Variants in DISP1 observed in about 807,000 individuals in gnomAD.
The protein encoded by DISP1 is dispatched RND transporter family member 1, also known as protein dispatched homolog 1.
A neutral mutation model predicts 37.3 loss-of-function variants in DISP1; 30 were observed. That is an observed-to-expected ratio of 0.80 (90% confidence interval 0.60 to 1.09). DISP1 has a LOEUF of 1.09. Among genes scored for constraint, DISP1 ranks in the 50% least tolerant of loss-of-function variants. DISP1 has a pLI of 0.00. For missense variants in DISP1, 1,598 were observed against 1,879.5 expected (o/e 0.85, Z 2.77); for synonymous variants, 634 against 690.2 (o/e 0.92, Z 1.28).
chr1:222,927,046 G>T (rs920832189), intron 1 of DISP1, among the ~76,000 whole-genome samples: 9 of 152,048 alleles, frequency 5.9e-5, no homozygotes, highest in Admixed American at 4.6e-4. Context: ...CAACTGTACT[G>T]GGAGTGTAGT....
intron 1 of DISP1, among the ~76,000 whole-genome samples, chr1:222,916,948 C>G (rs945781233): frequency 7.2e-5 from 11 of 152,194 alleles, no homozygotes; most frequent in Admixed American, 2.6e-4. Context: ...GGCAAACTGA[C>G]AAACTGCATC....
At chr1:222,890,491 G>A (rs1160918247) in intron 1 of DISP1, among the ~76,000 whole-genome samples, 1 of 152,110 alleles carries the variant, frequency 6.6e-6, no homozygotes, top group Non-Finnish European at 1.5e-5. Flanking sequence ...GATAAATGCT[G>A]TAAAGGAAAA....
chr1:222,927,938 C>T (rs1368697136), intron 1 of DISP1, among the ~76,000 whole-genome samples: 1 of 152,172 alleles, frequency 6.6e-6, no homozygotes, highest in African/African-American at 2.4e-5. Context: ...AAACCATGAA[C>T]TTTCTGTCCT....
At chr1:222,833,709 A>G (rs1666331824) in intron 1 of DISP1, among the ~76,000 whole-genome samples, 1 of 152,212 alleles carries the variant, frequency 6.6e-6, no homozygotes, top group African/African-American at 2.4e-5. Context: ...TTATGCACTG[A>G]GCTCTAATTA....
intron 1 of DISP1, among the ~76,000 whole-genome samples, chr1:222,884,000 TAATAG>T (rs1182451275): frequency 6.6e-6 from 1 of 152,188 alleles, no homozygotes; most frequent in African/African-American, 2.4e-5. Context: ...CTTGGTAGCC[TAATAG>T]AGTGCCTGTC....
chr1:222,934,128 A>G (rs1452277303), intron 2 of DISP1, among the ~76,000 whole-genome samples: 2 of 152,216 alleles, frequency 1.3e-5, no homozygotes, highest in Admixed American at 1.3e-4. Context: ...AGAATTTTAC[A>G]TCAGTAGCCT....
In DISP1 at chr1:223,005,308, G is replaced by C. The variant is rs781051159; in HGVS notation, c.3911G>C (p.Ser1304Thr). The C allele has an allele frequency of 6.2e-7, 1 of 1,613,766 alleles. No homozygotes were observed. The highest frequency in any genetic ancestry group is 2.2e-5 in the East Asian group (1 of 44,876). ...LCHQCSPTTSSFVQIQNGVAP... is the reference protein window; with the variant it reads ...LCHQCSPTTSTFVQIQNGVAP... ...CACCAGTGCTCTCCTACCACTAGCA[G>C]CTTTGTCCAGATCCAAAACGGCGTG... The change falls in exon 9 of 9, where the codon AGC becomes ACC. Residue 1304 changes from serine (S) to threonine (T), a missense_variant. Coordinates refer to ENST00000675850, the MANE Select transcript of DISP1 (RefSeq NM_001377229.1).
chr1:222,995,113 C>T, intron 8 of DISP1, 131 bp downstream of exon 8: 1 of 719,908 alleles, frequency 1.4e-6, no homozygotes, highest in South Asian at 1.5e-5. Flanking sequence ...GAGTAAACTC[C>T]AGCAGGCCAG....
chr1:222,929,922 T>C (rs1673295868), intron 2 of DISP1, among the ~76,000 whole-genome samples: 1 of 152,156 alleles, frequency 6.6e-6, no homozygotes, highest in South Asian at 2.1e-4. Context: ...AGCTCACATC[T>C]TAGACCTCAG....
intron 1 of DISP1, among the ~76,000 whole-genome samples, chr1:222,816,685 C>T (rs1661319501): frequency 6.6e-6 from 1 of 152,158 alleles, no homozygotes; most frequent in Non-Finnish European, 1.5e-5. Context: ...TTATAACGTC[C>T]TTATGTTTAG....
At chr1:222,838,436 T>C (rs1182304701) in intron 1 of DISP1, among the ~76,000 whole-genome samples, 2 of 152,210 alleles carry the variant, frequency 1.3e-5, no homozygotes, top group Admixed American at 6.5e-5. Flanking sequence ...AAGCCTTTTC[T>C]TCCAATGTTA....
At chr1:222,999,433 C>G (rs1049798313) in intron 8 of DISP1, among the ~76,000 whole-genome samples, 1 of 152,124 alleles carries the variant, frequency 6.6e-6, no homozygotes, top group Non-Finnish European at 1.5e-5. Flanking sequence ...TCTCTTTAAG[C>G]CCCATAATAT....
intron 3 of DISP1, among the ~76,000 whole-genome samples, chr1:222,975,306 G>A (rs771865516): frequency 1.3e-4 from 20 of 152,122 alleles, no homozygotes; most frequent in Non-Finnish European, 2.6e-4. Flanking sequence ...ATTTGCAGGC[G>A]TGAGTTACCG....
chr1:222,870,191 G>A (rs937943727), intron 1 of DISP1, among the ~76,000 whole-genome samples: 1 of 152,128 alleles, frequency 6.6e-6, no homozygotes, highest in African/African-American at 2.4e-5. Flanking sequence ...GTCTATCATT[G>A]TTGGACATTT....
intron 1 of DISP1, among the ~76,000 whole-genome samples, chr1:222,818,216 A>G (rs989538743): frequency 5.9e-5 from 9 of 152,204 alleles, no homozygotes; most frequent in African/African-American, 1.9e-4. Context: ...GCTGTCTGCT[A>G]TAGTTGGAAA....
chr1:222,995,051 C>A, intron 8 of DISP1, 69 bp downstream of exon 8: 1 of 1,268,704 alleles, frequency 7.9e-7, no homozygotes, highest in Non-Finnish European at 1.1e-6. Flanking sequence ...CCTTTTACTG[C>A]TGACCCTGGT....
intron 1 of DISP1, among the ~76,000 whole-genome samples, chr1:222,906,800 T>G: frequency 6.6e-6 from 1 of 152,264 alleles, no homozygotes; most frequent in East Asian, 1.9e-4. Flanking sequence ...CATTCTTTGA[T>G]TCCTTAATAA....
intron 1 of DISP1, among the ~76,000 whole-genome samples, chr1:222,866,415 G>C (rs1038901359): frequency 1.3e-5 from 2 of 152,022 alleles, no homozygotes; most frequent in Non-Finnish European, 2.9e-5. Context: ...TACAATCTCG[G>C]CTCACTGCAA....
intron 1 of DISP1, among the ~76,000 whole-genome samples, chr1:222,908,642 C>T (rs1020413516): frequency 3.9e-5 from 6 of 152,200 alleles, no homozygotes; most frequent in African/African-American, 1.2e-4. Flanking sequence ...GATCTGCCCA[C>T]CACGGCCTCC....
Sources: gnomAD v4.1 joint callset for allele counts (sites outside exome capture counted in the v4.1 genomes callset) on GRCh38, gnomAD v4.1.1 for gene constraint, MANE v1.5 for transcripts, NCBI Gene and HGNC (gene_info 2026-07-23, HGNC 2026-07-21) for gene names.